Variants in ARHGAP11A observed in about 807,000 individuals in gnomAD.
ARHGAP11A encodes rho GTPase-activating protein 11A.
A neutral mutation model predicts 60.5 loss-of-function variants in ARHGAP11A; 36 were observed. That is an observed-to-expected ratio of 0.59 (90% CI 0.46 to 0.79). ARHGAP11A has a LOEUF of 0.79. Ranked by LOEUF, ARHGAP11A falls within the 30% of genes least tolerant of loss-of-function variation. The pLI is 0.00. For missense variants in ARHGAP11A, 1,071 were observed against 1,199.2 expected, an observed-to-expected ratio of 0.89 and a Z score of 1.58; for synonymous variants, 362 against 415.5, an observed-to-expected ratio of 0.87 and a Z score of 1.57.
chr15:32,622,030 G>A (rs935614880), intron 2 of ARHGAP11A, among the ~76,000 whole-genome samples: 5 of 152,426 alleles, frequency 3.3e-5, no homozygotes, highest in African/African-American at 1.2e-4. Flanking sequence ...CATCCTATAG[G>A]TGTAGATTCA....
intron 7 of ARHGAP11A, among the ~76,000 whole-genome samples, chr15:32,629,020 T>C (rs1567055297): frequency 6.6e-6 from 1 of 152,154 alleles, no homozygotes; most frequent in East Asian, 1.9e-4. Flanking sequence ...ATTTTTTTAG[T>C]CTCCTGTCTT....
Position 32,638,278 on chromosome 15 carries a change from A to G in ARHGAP11A, c.*433A>G, listed in dbSNP as rs567492995. On this transcript the variant is annotated 3_prime_UTR_variant, in exon 12 of 12. Transcript: ENST00000361627. ...TTAGTAGAGACGGTTTCACCGTGTT[A>G]GCCAGGATGGTCTCGATCTCCTGAC... 1.5e-4 allele frequency: 24 copies of G among 155,792 alleles called. No individual in the cohort carries two copies. The highest frequency in any genetic ancestry group is 4.8e-4 in the African/African-American group (20 of 41,544). 9.7% of individuals were successfully genotyped at this position (155,792 alleles called of 1,614,324 possible).
chr15:32,615,157 T>C (rs992442512), upstream of ARHGAP11A: 1 of 152,110 alleles, frequency 6.6e-6, no homozygotes, highest in African/African-American at 2.4e-5. Flanking sequence ...AACGGTTTCT[T>C]CATAAGAGGG....
At position 32,625,115 on chromosome 15, in the gene ARHGAP11A, C is replaced by T. The variant is rs1218885426; in HGVS notation, c.587C>T (p.Ala196Val). 1.2e-6 allele frequency: 2 copies of T among 1,613,880 alleles called. No homozygotes were observed. The highest frequency in any genetic ancestry group is 8.5e-7 in the Non-Finnish European group (1 of 1,179,828). Residue 196 changes from alanine to valine, a missense_variant, in exon 5 of 12, where the codon GCA becomes GTA. Physicochemically the swap from Ala to Val is moderately conservative, Grantham distance 64. Coordinates refer to ENST00000361627, the MANE Select transcript of ARHGAP11A (RefSeq NM_014783.6). ...SENKMDSSNL[A>V]VIFAPNLLQT... ...AATAAGATGGACAGCAGCAATCTTG[C>T]AGTAATATTTGCACCGAATCTTCTT...
At chr15:32,633,216 T>C (rs1307170791) in intron 9 of ARHGAP11A, 108 bp downstream of exon 9, 1 of 1,261,794 alleles carries the variant, frequency 7.9e-7, no homozygotes, top group East Asian at 2.4e-5. Flanking sequence ...TCATAATTTT[T>C]TAAAATCCCT....
intron 4 of ARHGAP11A, 64 bp downstream of exon 4, chr15:32,624,490 G>T (rs1054417536): frequency 4.8e-5 from 73 of 1,510,882 alleles, no homozygotes; most frequent in Non-Finnish European, 1.7e-5. Context: ...TTTTATGCTT[G>T]TAGATATGTA....
intron 1 of ARHGAP11A, among the ~76,000 whole-genome samples, chr15:32,617,420 T>C (rs2053178896): frequency 6.6e-6 from 1 of 151,096 alleles, no homozygotes; most frequent in Non-Finnish European, 1.5e-5. Context: ...TTTGTAAGTA[T>C]ATGGAAGAGT....
At chr15:32,633,798 T>C in intron 9 of ARHGAP11A, 135 bp from the exon 10 acceptor site, 2 of 594,446 alleles carry the variant, frequency 3.4e-6, no homozygotes, top group Non-Finnish European at 5.9e-6. Context: ...AAAGTTGAAC[T>C]GTTTTTAAAG....
chr15:32,615,449 G>A (rs1386354573), upstream of ARHGAP11A: 2 of 151,896 alleles, frequency 1.3e-5, no homozygotes, highest in Admixed American at 1.3e-4. Context: ...GGACCAATCA[G>A]ATGTGGAGCG....
At chr15:32,633,835 A>G (rs2053640990) in intron 9 of ARHGAP11A, 98 bp from the exon 10 acceptor site, 1 of 693,842 alleles carries the variant, frequency 1.4e-6, no homozygotes, top group Non-Finnish European at 2.4e-6. Flanking sequence ...AATTATTATC[A>G]ATATGATTTG....
rs1168930153 is a variant in ARHGAP11A at position 32,636,495 on chromosome 15, G to A, written c.1722G>A (p.Lys574=). Reference sequence around the variant, plus strand: ...TCACCCCTTCCAATTTAAACAATAAGCATAATAGCAACATAACAAGTAGCC... The same window carrying A: ...TCACCCCTTCCAATTTAAACAATAAACATAATAGCAACATAACAAGTAGCC... ...CELTPSNLNN[K]HNSNITSSPL... is the part of the protein sequence containing the mutation. Residue 574 remains lysine, a synonymous_variant, in exon 12 of 12, where the codon AAG becomes AAA. Coordinates refer to ENST00000361627, the MANE Select transcript of ARHGAP11A (RefSeq NM_014783.6). 5.6e-6 allele frequency: 9 copies of A among 1,613,926 alleles called. No homozygotes were observed. Among genetic ancestry groups the A allele is most frequent in the East Asian group, 4.5e-5 (2 of 44,866 alleles).
chr15:32,636,416 ACT>A lies in ARHGAP11A; in HGVS notation c.1646_1647del (p.Ser549PhefsTer4). Reference sequence around the variant, plus strand: ...ATGGTGGAAAATCTTGAGGTAGAAAACTCTTTGGAGCCTGATATTATGGTAGA... The same window carrying A: ...ATGGTGGAAAATCTTGAGGTAGAAAACTTTGGAGCCTGATATTATGGTAGA... On this transcript the variant is annotated frameshift_variant, in exon 12 of 12. Transcript: ENST00000361627. LOFTEE classifies it low-confidence loss of function (END_TRUNC). The A allele has an allele frequency of 6.2e-7, 1 of 1,613,888 alleles. No individual in the cohort carries two copies. Among genetic ancestry groups the A allele is most frequent in the Non-Finnish European group, 8.5e-7 (1 of 1,179,934 alleles).
chr15:32,631,975 G>A (rs1042009774), intron 8 of ARHGAP11A, among the ~76,000 whole-genome samples: 1 of 152,000 alleles, frequency 6.6e-6, no homozygotes, highest in Non-Finnish European at 1.5e-5. Flanking sequence ...GTGCCTGGCC[G>A]GACACATTTT....
In ARHGAP11A at chr15:32,624,393, A is replaced by T; in HGVS notation, c.518A>T (p.Tyr173Phe). 6.2e-7 allele frequency: 1 copy of T among 1,613,346 alleles called. No homozygotes were observed. The highest frequency in any genetic ancestry group is 1.1e-5 in the South Asian group (1 of 90,872). Residue 173 changes from tyrosine to phenylalanine, a missense_variant, in exon 4 of 12, where the codon TAC becomes TTC. Transcript: ENST00000361627. ...GACCACACAGTTCATGTATTAAGAT[A>T]CTTCTTTAACTTTCTCAGGAATGTT... ...LADHTVHVLR[Y>F]FFNFLRNVSL...
At chr15:32,622,415 A>G (rs751289496) in intron 2 of ARHGAP11A, among the ~76,000 whole-genome samples, 1 of 128,804 alleles carries the variant, frequency 7.8e-6, no homozygotes, top group South Asian at 2.4e-4. Flanking sequence ...CCTGTCTCAA[A>G]ATAAAAACTA....
intron 1 of ARHGAP11A, among the ~76,000 whole-genome samples, chr15:32,619,419 C>G (rs1164726549): frequency 3.3e-5 from 5 of 152,238 alleles, no homozygotes; most frequent in African/African-American, 1.2e-4. Context: ...TTAACCAACA[C>G]ACAGCTTTAC....
At chr15:32,620,670 T>G (rs1383232788) in intron 2 of ARHGAP11A, among the ~76,000 whole-genome samples, 1 of 152,118 alleles carries the variant, frequency 6.6e-6, no homozygotes, top group African/African-American at 2.4e-5. Context: ...TTTTGTTCTG[T>G]TAAGTCAGTT....
chr15:32,629,315 C>T (rs1455875588), intron 7 of ARHGAP11A, among the ~76,000 whole-genome samples: 9 of 146,294 alleles, frequency 6.2e-5, no homozygotes, highest in Admixed American at 2.1e-4. Context: ...TTCTTCCTTA[C>T]ATTAATATTC....
chr15:32,622,799 G>GA (rs1235228286), intron 2 of ARHGAP11A, among the ~76,000 whole-genome samples: 10 of 150,220 alleles, frequency 6.7e-5, no homozygotes, highest in Non-Finnish European at 1.0e-4. Flanking sequence ...TTGGGGTGAG[G>GA]AAAAAAAAAC....
Sources: gnomAD v4.1 joint callset for allele counts (sites outside exome capture counted in the v4.1 genomes callset) on GRCh38, gnomAD v4.1.1 for gene constraint, MANE v1.5 for transcripts, NCBI Gene and HGNC (gene_info 2026-07-23, HGNC 2026-07-21) for gene names.